FHOD3: variants seen among roughly 807,000 people sequenced by gnomAD.
FHOD3 encodes the protein FH1/FH2 domain-containing protein 3.
A neutral mutation model predicts 173.0 loss-of-function variants in FHOD3; 90 were observed. That is an observed-to-expected ratio of 0.52 (90% CI 0.44 to 0.62). FHOD3 has a LOEUF of 0.62. FHOD3 is among the 20% of genes least tolerant of loss of function. FHOD3 has a pLI of 0.00. For synonymous variants in FHOD3, 828 were observed against 823.0 expected (o/e 1.01, Z -0.10); for missense variants, 1,945 against 2,034.7 (o/e 0.96, Z 0.85).
At chr18:36,413,403 T>C in intron 3 of FHOD3, among the ~76,000 whole-genome samples, 1 of 152,200 alleles carries the variant, frequency 6.6e-6, no homozygotes, top group East Asian at 1.9e-4. Context: ...CATGGCACAC[T>C]GGATTTGGGA....
chr18:36,348,954 CGG>C (rs2045991247), intron 1 of FHOD3, among the ~76,000 whole-genome samples: 1 of 152,108 alleles, frequency 6.6e-6, no homozygotes, highest in African/African-American at 2.4e-5. Flanking sequence ...TTTTCCCTGT[CGG>C]CTGTGGGTTG....
intron 3 of FHOD3, among the ~76,000 whole-genome samples, chr18:36,484,581 AAAC>A (rs1323292815): frequency 1.3e-5 from 2 of 152,216 alleles, no homozygotes; most frequent in Admixed American, 6.5e-5. Flanking sequence ...GACTAGGAAA[AAAC>A]AAAACTCTGC....
intron 3 of FHOD3, among the ~76,000 whole-genome samples, chr18:36,415,165 G>C (rs541759158): frequency 5.8e-4 from 89 of 152,282 alleles, no homozygotes; most frequent in Non-Finnish European, 1.0e-3. Flanking sequence ...AGGCTGAGGT[G>C]GGGCAAGACC....
chr18:36,328,408 A>G (rs189351758), intron 1 of FHOD3, among the ~76,000 whole-genome samples: 1 of 152,186 alleles, frequency 6.6e-6, no homozygotes, highest in East Asian at 1.9e-4. Context: ...GAGTGTGCCT[A>G]GCATGTTTGA....
At chr18:36,343,236 C>T (rs532730257) in intron 1 of FHOD3, among the ~76,000 whole-genome samples, 24 of 152,054 alleles carry the variant, frequency 1.6e-4, no homozygotes, top group African/African-American at 4.8e-4. Flanking sequence ...TTCATAGTAG[C>T]CAAAAAGTGG....
intron 6 of FHOD3, 122 bp from the exon 7 acceptor site, chr18:36,594,665 C>T: frequency 4.7e-6 from 3 of 635,002 alleles, no homozygotes; most frequent in South Asian, 3.9e-5. Context: ...GTGAAGGAAT[C>T]TGTGTAATTG....
At chr18:36,325,999 A>G (rs2044651653) in intron 1 of FHOD3, among the ~76,000 whole-genome samples, 1 of 152,260 alleles carries the variant, frequency 6.6e-6, no homozygotes, top group Non-Finnish European at 1.5e-5. Context: ...CCTGCATGCC[A>G]GGGCATAATT....
intron 27 of FHOD3, among the ~76,000 whole-genome samples, chr18:36,767,379 G>A (rs899098785): frequency 6.6e-6 from 1 of 152,032 alleles, no homozygotes; most frequent in Non-Finnish European, 1.5e-5. Context: ...GAGCATAGTG[G>A]CGTGATCTCA....
chr18:36,536,094 G>T (rs1463893734), intron 5 of FHOD3, among the ~76,000 whole-genome samples: 1 of 152,194 alleles, frequency 6.6e-6, no homozygotes, highest in Non-Finnish European at 1.5e-5. Flanking sequence ...TCATCAAATT[G>T]ATTATAAATG....
At chr18:36,657,839 C>T (rs1202563213) in intron 13 of FHOD3, among the ~76,000 whole-genome samples, 1 of 151,980 alleles carries the variant, frequency 6.6e-6, no homozygotes, top group Non-Finnish European at 1.5e-5. Flanking sequence ...TTATTTAAAC[C>T]CTTTGTCATA....
intron 5 of FHOD3, among the ~76,000 whole-genome samples, chr18:36,562,023 ATT>A (rs2058103179): frequency 7.3e-6 from 1 of 136,832 alleles, no homozygotes; most frequent in African/African-American, 2.7e-5. Flanking sequence ...ATTGTATTGT[ATT>A]GTATTTTTTG....
intron 10 of FHOD3, among the ~76,000 whole-genome samples, chr18:36,644,626 G>A (rs1023778153): frequency 2.0e-5 from 3 of 152,224 alleles, no homozygotes; most frequent in Admixed American, 2.0e-4. Context: ...AGGATGTTGA[G>A]CCCAAAGAGA....
At position 36,663,100 on chromosome 18, in the gene FHOD3, T is replaced by C. The variant is rs573610042; in HGVS notation, c.1835+4912T>C. ...GAGTAAATCTTTTCTATTTTCATGATTTTGTGTTCCTACTGAAGAAAGCCT... is the reference window on the plus strand; with the variant it reads ...GAGTAAATCTTTTCTATTTTCATGACTTTGTGTTCCTACTGAAGAAAGCCT... On this transcript the variant is annotated intron_variant, in intron 14 of 28. Coordinates refer to ENST00000590592, the MANE Select transcript of FHOD3 (RefSeq NM_001281740.3). Among the ~76,000 whole-genome samples, 3 of 152,300 alleles carry C rather than the reference T, an allele frequency of 2.0e-5. No homozygotes were observed. The East Asian group carries it at 5.8e-4, about 29-fold the overall frequency.
At chr18:36,658,613 C>A (rs780193494) in intron 14 of FHOD3, among the ~76,000 whole-genome samples, 7 of 152,132 alleles carry the variant, frequency 4.6e-5, no homozygotes, top group Non-Finnish European at 1.0e-4. Flanking sequence ...AATCCAGGAC[C>A]TACCAGAAGA....
At chr18:36,394,354 A>C (rs112415469) in intron 3 of FHOD3, among the ~76,000 whole-genome samples, 4,697 of 152,286 alleles carry the variant, frequency 0.031, 233 homozygotes, top group African/African-American at 0.11. Flanking sequence ...AATCATTGAC[A>C]TGAGATTTTG....
chr18:36,725,247 CAAAA>C (rs1175131867), intron 19 of FHOD3, among the ~76,000 whole-genome samples: 1 of 152,158 alleles, frequency 6.6e-6, no homozygotes, highest in Non-Finnish European at 1.5e-5. Context: ...CAAATTAAGA[CAAAA>C]AACCCAATGT....
At chr18:36,374,808 G>A (rs528301224) in intron 3 of FHOD3, among the ~76,000 whole-genome samples, 2 of 152,272 alleles carry the variant, frequency 1.3e-5, no homozygotes, top group Admixed American at 6.5e-5. Flanking sequence ...CAATAGCTGC[G>A]AGTTCAAAAT....
At chr18:36,671,218 C>T (rs1009955817) in intron 14 of FHOD3, among the ~76,000 whole-genome samples, 1 of 152,252 alleles carries the variant, frequency 6.6e-6, no homozygotes, top group Non-Finnish European at 1.5e-5. Flanking sequence ...ATTGGCCTCT[C>T]TAGACTCCCA....
intron 3 of FHOD3, among the ~76,000 whole-genome samples, chr18:36,455,365 T>G (rs935241025): frequency 6.6e-6 from 1 of 152,194 alleles, no homozygotes; most frequent in African/African-American, 2.4e-5. Context: ...TTAAATGTGT[T>G]AGGGACGAGT....
Sources: allele counts gnomAD v4.1 joint callset (sites outside exome capture counted in the v4.1 genomes callset), GRCh38; gene constraint gnomAD v4.1.1; transcripts MANE v1.5; gene names NCBI Gene and HGNC (gene_info 2026-07-23, HGNC 2026-07-21).